FLYWCH1: variants seen among roughly 807,000 people sequenced by gnomAD.
FLYWCH1 encodes FLYWCH-type zinc finger 1.
A neutral mutation model predicts 66.4 loss-of-function variants in FLYWCH1; 75 were observed. The ratio of observed to expected loss-of-function variants is 1.13; its 90% CI spans 0.94 to 1.37. FLYWCH1 has a LOEUF of 1.37. Ranked by LOEUF, FLYWCH1 falls within the 40% of genes most tolerant of loss-of-function variation. The probability of loss-of-function intolerance (pLI) is 0.00; values close to 1 mark genes in which losing one functional copy is unlikely to be tolerated. For missense variants in FLYWCH1, 1,334 were observed against 1,001.8 expected, an observed-to-expected ratio of 1.33 and a Z score of -4.48; for synonymous variants, 595 against 429.9, an observed-to-expected ratio of 1.38 and a Z score of -4.75.
intron 6 of FLYWCH1, 56 bp from the exon 7 acceptor site, chr16:2,937,065 T>C: frequency 8.0e-7 from 1 of 1,254,370 alleles, no homozygotes; most frequent in Non-Finnish European, 1.0e-6. Context: ...GGGGCCATGC[T>C]GATCTGGGCT....
chr16:2,932,960 G>T (rs2070823430), intron 4 of FLYWCH1, among the ~76,000 whole-genome samples, 170 bp from the exon 5 acceptor site: 1 of 151,986 alleles, frequency 6.6e-6, no homozygotes, highest in Non-Finnish European at 1.5e-5. Context: ...TGGTGGTAGG[G>T]GTTCAGTGGG....
At chr16:2,941,264 G>A (rs556902808) in intron 9 of FLYWCH1, among the ~76,000 whole-genome samples, 1 of 152,138 alleles carries the variant, frequency 6.6e-6, no homozygotes, top group South Asian at 2.1e-4. Context: ...ACCAGTTGGG[G>A]CAACAGAGCA....
chr16:2,929,771 TCCCGGCAGCCC>T lies in FLYWCH1; in HGVS notation c.89_99del (p.Pro30GlnfsTer19). On this transcript the variant is annotated frameshift_variant, in exon 3 of 10. Transcript: ENST00000253928. LOFTEE classifies it high-confidence loss of function. Reference sequence around the variant, plus strand: ...TCCCCCAAGCCAGGCACGGACGTCATCCCGGCAGCCCCCAGGAAGCCCAGGGAGTTCTCCAA... The same window carrying T: ...TCCCCCAAGCCAGGCACGGACGTCATCCAGGAAGCCCAGGGAGTTCTCCAA... The T allele has an allele frequency of 1.9e-6, 3 of 1,613,796 alleles. No individual in the cohort carries two copies. The highest frequency in any genetic ancestry group is 2.5e-6 in the Non-Finnish European group (3 of 1,179,846).
Position 2,930,778 on chromosome 16 carries a change from C to G in FLYWCH1, c.694C>G (p.Pro232Ala), listed in dbSNP as rs767820415. The G allele has an allele frequency of 8.2e-6, 13 of 1,588,190 alleles. No individual in the cohort carries two copies. The highest frequency in any genetic ancestry group is 1.1e-5 in the Non-Finnish European group (13 of 1,172,264). The stretch of plus-strand genomic sequence containing the variant: ...GTGCCCTGAGGAGCCCGAGCCCACT[C>G]CTGGGCTGGTGCTGAGCAAGCCGGC... ...WQCPEEPEPTPGLVLSKPALE... is the reference protein window; with the variant it reads ...WQCPEEPEPTAGLVLSKPALE... The change falls in exon 4 of 10, where the codon CCT becomes GCT. Residue 232 changes from proline to alanine, a missense_variant. Physicochemically the swap from Pro to Ala is conservative, Grantham distance 27. Coordinates refer to ENST00000253928, the MANE Select transcript of FLYWCH1 (RefSeq NM_001308068.2).
In FLYWCH1 at chr16:2,927,884, C is replaced by T. The variant is rs567063425; in HGVS notation, c.-73-1729C>T. Among the ~76,000 whole-genome samples the T allele has an allele frequency of 5.3e-5, 8 of 152,302 alleles. No individual in the cohort carries two copies. In the East Asian group the frequency reaches 7.7e-4, roughly 15 times the overall value. ...CTCTATGTGCGAGGACCCGCACTGG[C>T]GCTGGTCTCTGAGTTCCCTCAGTAT... On this transcript the variant is annotated intron_variant, in intron 2 of 9. Coordinates refer to ENST00000253928, the MANE Select transcript of FLYWCH1 (RefSeq NM_001308068.2).
chr16:2,923,476 C>G (rs1399488137), intron 2 of FLYWCH1, among the ~76,000 whole-genome samples: 1 of 152,176 alleles, frequency 6.6e-6, no homozygotes, highest in South Asian at 2.1e-4. Flanking sequence ...GAACTCCTGA[C>G]CTCAGGTGAT....
At chr16:2,915,712 G>A (rs1018151662) in intron 2 of FLYWCH1, among the ~76,000 whole-genome samples, 6 of 151,408 alleles carry the variant, frequency 4.0e-5, no homozygotes, top group African/African-American at 9.7e-5. Context: ...CACCAGAATG[G>A]CTTGAGCCTG....
intron 2 of FLYWCH1, among the ~76,000 whole-genome samples, chr16:2,927,197 G>C (rs9923331): frequency 0.26 from 39,977 of 151,964 alleles, 5,533 homozygotes; most frequent in East Asian, 0.43. Flanking sequence ...TGTGTCCTCA[G>C]CCGCCCACTA....
At chr16:2,930,358 C>T (rs2070716787) in intron 3 of FLYWCH1, 52 bp from the exon 4 acceptor site, 13 of 1,184,958 alleles carry the variant, frequency 1.1e-5, no homozygotes, top group South Asian at 3.4e-5. Context: ...TCTGTGCCTG[C>T]GACCCTGAGC....
rs140894680 is a variant in FLYWCH1 at position 2,946,598 on chromosome 16, T to C, written c.2112-2090T>C. On this transcript the variant is annotated intron_variant, in intron 9 of 9. Transcript: ENST00000253928. The stretch of plus-strand genomic sequence containing the variant: ...TCAGCCTCCCAAAGTGCTGGGATTA[T>C]AGGAGTGAGCCACTGTGCCTGGCCC... 7.0e-4 allele frequency among the ~76,000 whole-genome samples: 107 copies of C among 152,086 alleles called. 2 individuals carry two copies. In the East Asian group the frequency reaches 0.016, roughly 22 times the overall value.
chr16:2,919,744 T>G (rs1481222080), intron 2 of FLYWCH1, among the ~76,000 whole-genome samples: 9 of 152,208 alleles, frequency 5.9e-5, no homozygotes, highest in Admixed American at 5.2e-4. Context: ...CTCTTGAATT[T>G]TTTTTCCAAC....
intron 2 of FLYWCH1, among the ~76,000 whole-genome samples, chr16:2,916,223 T>G (rs150889543): frequency 6.6e-6 from 1 of 152,292 alleles, no homozygotes; most frequent in Non-Finnish European, 1.5e-5. Flanking sequence ...TGCGTGCCTG[T>G]AATCCTAGCT....
intron 9 of FLYWCH1, among the ~76,000 whole-genome samples, chr16:2,945,858 G>A (rs1045520238): frequency 1.5e-4 from 23 of 151,756 alleles, no homozygotes; most frequent in Non-Finnish European, 2.4e-4. Context: ...TTAGCCGAGC[G>A]TGGTGGCAGG....
chr16:2,924,990 C>G (rs1345871694), intron 2 of FLYWCH1, among the ~76,000 whole-genome samples: 1 of 152,206 alleles, frequency 6.6e-6, no homozygotes, highest in African/African-American at 2.4e-5. Flanking sequence ...CTTTCCTTGT[C>G]AGGCCAAGCT....
Position 2,920,511 on chromosome 16 carries a change from TAA to T in FLYWCH1, c.-74+6236_-74+6237del, listed in dbSNP as rs34684083. On this transcript the variant is annotated intron_variant, in intron 2 of 9. Transcript: ENST00000253928. Reference sequence around the variant, plus strand: ...CCTGGGTGGCCGTGAGACTCTGTCTTAAAAAAAAAAAAAAACACTTTTCCACC... The same window carrying T: ...CCTGGGTGGCCGTGAGACTCTGTCTTAAAAAAAAAAAAACACTTTTCCACC... Among the ~76,000 whole-genome samples, 1,288 of 141,590 alleles carry T rather than the reference TAA, an allele frequency of 9.1e-3. 20 individuals are homozygous for T. Among genetic ancestry groups the T allele is most frequent in the African/African-American group, 0.029 (1,136 of 38,632 alleles). 92.9% of individuals were successfully genotyped at this position (141,590 alleles called of 152,430 possible). A position where few individuals can be genotyped will look rare whatever the true frequency, so the allele number is the denominator to read the frequency against.
rs140529351 is a variant in FLYWCH1, at chr16:2,947,128, C to T, written c.2112-1560C>T. On this transcript the variant is annotated intron_variant, in intron 9 of 9. Transcript: ENST00000253928. ...ATGAATGAAATACAGTCTATTTATACGATGAAATATTGTCCATAAAAAGGA... is the reference window on the plus strand; with the variant it reads ...ATGAATGAAATACAGTCTATTTATATGATGAAATATTGTCCATAAAAAGGA... Among the ~76,000 whole-genome samples, 191 of 152,210 alleles carry T rather than the reference C, an allele frequency of 1.3e-3. 1 individual carries two copies. The highest frequency in any genetic ancestry group is 6.8e-3 in the Middle Eastern group (2 of 294).
chr16:2,922,457 C>G, intron 2 of FLYWCH1: 1 of 229,654 alleles, frequency 4.4e-6, no homozygotes, highest in South Asian at 5.9e-5. Flanking sequence ...TGCTCTGTGC[C>G]CATGAAACAC....
chr16:2,938,214 C>A lies in FLYWCH1; in HGVS notation c.1808C>A (p.Thr603Asn), dbSNP rs1231018614. 9.3e-6 allele frequency: 15 copies of A among 1,612,980 alleles called. No individual in the cohort carries two copies. Among genetic ancestry groups the A allele is most frequent in the African/African-American group, 1.3e-5 (1 of 74,918 alleles). Residue 603 changes from threonine to asparagine, a missense_variant, in exon 8 of 10, where the codon ACT becomes AAT. Thr to Asn is a moderately conservative substitution (Grantham distance 65). Transcript: ENST00000253928. ...CTCCGGCCCCTGGAGTTCCTGAGGA[C>A]TTCCCTGGGGGGCAGGTTCCTGGTG... Reference protein sequence around the residue: ...DPLRPLEFLRTSLGGRFLVHE... With the variant: ...DPLRPLEFLRNSLGGRFLVHE...
At chr16:2,932,270 CAAAAAAAAAAA>C (rs71158125) in intron 4 of FLYWCH1, among the ~76,000 whole-genome samples, 1 of 55,304 alleles carries the variant, frequency 1.8e-5, no homozygotes, top group Non-Finnish European at 3.2e-5. Flanking sequence ...GACCCTGTCT[CAAAAAAAAAAA>C]AAAAAAAAAA....
Sources: gnomAD v4.1 joint callset for allele counts (sites outside exome capture counted in the v4.1 genomes callset) on GRCh38, gnomAD v4.1.1 for gene constraint, MANE v1.5 for transcripts, NCBI Gene and HGNC (gene_info 2026-07-23, HGNC 2026-07-21) for gene names.